LHFPL3: variants seen among roughly 807,000 people sequenced by gnomAD.
LHFPL3 encodes LHFPL tetraspan subfamily member 3 protein.
In LHFPL3, 5 loss-of-function variants were observed where a neutral mutation model predicts 19.3. The ratio of observed to expected loss-of-function variants is 0.26; its 90% CI spans 0.14 to 0.54. The LOEUF is 0.54. Ranked by LOEUF, LHFPL3 falls within the 20% of genes least tolerant of loss-of-function variation. The pLI is 0.94. For missense variants in LHFPL3, 249 were observed against 307.4 expected (o/e 0.81, Z 1.42); for synonymous variants, 133 against 126.2 (o/e 1.05, Z -0.36).
At chr7:104,492,430 T>A (rs1793376182) in intron 1 of LHFPL3, among the ~76,000 whole-genome samples, 1 of 152,212 alleles carries the variant, frequency 6.6e-6, no homozygotes, top group African/African-American at 2.4e-5. Context: ...AATGGATCTG[T>A]TCAAGACATG....
Position 104,554,273 on chromosome 7 carries a change from A to G in LHFPL3, c.446-182402A>G, listed in dbSNP as rs534088811. Among the ~76,000 whole-genome samples, 152 of 152,108 alleles carry G rather than the reference A, an allele frequency of 1.0e-3. 1 individual carries two copies. The highest frequency in any genetic ancestry group is 1.8e-3 in the Non-Finnish European group (124 of 67,998). ...ATTCTTGTCTTCATTTAGGAAATGG[A>G]TTATAATAATGTTATAATTATTTTC... On this transcript the variant is annotated intron_variant, in intron 1 of 2. Coordinates refer to ENST00000424859, the MANE Select transcript of LHFPL3 (RefSeq NM_199000.3).
intron 1 of LHFPL3, among the ~76,000 whole-genome samples, chr7:104,557,784 C>T (rs1284794039): frequency 6.6e-6 from 1 of 150,948 alleles, no homozygotes; most frequent in Non-Finnish European, 1.5e-5. Context: ...CCCACTAACT[C>T]ATCATCTAGC....
At chr7:104,746,100 C>T (rs1042352225) in intron 2 of LHFPL3, among the ~76,000 whole-genome samples, 11 of 152,154 alleles carry the variant, frequency 7.2e-5, no homozygotes, top group African/African-American at 2.4e-4. Flanking sequence ...CACTTGAGGT[C>T]AGGAGTTTGA....
intron 2 of LHFPL3, among the ~76,000 whole-genome samples, chr7:104,752,363 T>A (rs1461375658): frequency 6.6e-6 from 1 of 151,516 alleles, no homozygotes; most frequent in African/African-American, 2.4e-5. Context: ...TCCAGGGGCA[T>A]CAGAAACTGA....
intron 2 of LHFPL3, among the ~76,000 whole-genome samples, chr7:104,791,300 G>A (rs899618517): frequency 6.6e-6 from 1 of 152,150 alleles, no homozygotes; most frequent in African/African-American, 2.4e-5. Context: ...AAAGCCTGTG[G>A]GCAACATTTC....
At chr7:104,656,011 T>C (rs894170816) in intron 1 of LHFPL3, among the ~76,000 whole-genome samples, 5 of 152,244 alleles carry the variant, frequency 3.3e-5, no homozygotes, top group African/African-American at 1.2e-4. Context: ...CATCACAGAA[T>C]TCAGAATTTT....
intron 1 of LHFPL3, among the ~76,000 whole-genome samples, chr7:104,498,848 C>A (rs1179699142): frequency 6.6e-6 from 1 of 152,196 alleles, no homozygotes; most frequent in African/African-American, 2.4e-5. Context: ...GCTCTCAGGA[C>A]ACAGATAGGT....
At chr7:104,877,087 G>GGACACAGGAAGGGGAACAT (rs1791959924) in intron 2 of LHFPL3, among the ~76,000 whole-genome samples, 1 of 152,192 alleles carries the variant, frequency 6.6e-6, no homozygotes, top group Non-Finnish European at 1.5e-5. Context: ...GAGAACACAT[G>GGACACAGGAAGGGGAACAT]GACACAGGAA....
At chr7:104,412,334 C>T (rs1165072676) in intron 1 of LHFPL3, among the ~76,000 whole-genome samples, 1 of 151,972 alleles carries the variant, frequency 6.6e-6, no homozygotes, top group African/African-American at 2.4e-5. Context: ...GGGGAGTCAC[C>T]CAAAACTCCT....
At chr7:104,611,159 T>G (rs1584437807) in intron 1 of LHFPL3, among the ~76,000 whole-genome samples, 1 of 152,186 alleles carries the variant, frequency 6.6e-6, no homozygotes, top group Non-Finnish European at 1.5e-5. Context: ...GTAGTGGCAG[T>G]GATGATAGCA....
chr7:104,590,307 G>A (rs1379329595), intron 1 of LHFPL3, among the ~76,000 whole-genome samples: 1 of 151,992 alleles, frequency 6.6e-6, no homozygotes, highest in East Asian at 1.9e-4. Flanking sequence ...ATTCTGCTAT[G>A]TTGTGTCTTT....
chr7:104,389,120 C>A (rs1217441481), intron 1 of LHFPL3, among the ~76,000 whole-genome samples: 1 of 152,056 alleles, frequency 6.6e-6, no homozygotes, highest in East Asian at 1.9e-4. Flanking sequence ...ATAGAAAACC[C>A]TAAGAAATCC....
rs184557243 is a variant in LHFPL3, at chr7:104,466,942, T to G, written c.445+137718T>G. On this transcript the variant is annotated intron_variant, in intron 1 of 2. Coordinates refer to ENST00000424859, the MANE Select transcript of LHFPL3 (RefSeq NM_199000.3). ...CTTCTTCCTGCCATAACTGTCTGTC[T>G]CTTTCCAAAGTGCTCATCACTGCTA... Among the ~76,000 whole-genome samples the G allele has an allele frequency of 1.7e-3, 262 of 152,368 alleles. 2 individuals carry two copies. Among genetic ancestry groups the G allele is most frequent in the African/African-American group, 5.9e-3 (246 of 41,590 alleles).
intron 1 of LHFPL3, among the ~76,000 whole-genome samples, chr7:104,663,608 T>C (rs1220524353): frequency 6.6e-6 from 1 of 152,244 alleles, no homozygotes; most frequent in African/African-American, 2.4e-5. Flanking sequence ...CTTATTGTCA[T>C]GGGAAGCCAA....
chr7:104,352,674 C>T (rs1160305056), intron 1 of LHFPL3, among the ~76,000 whole-genome samples: 1 of 152,236 alleles, frequency 6.6e-6, no homozygotes, highest in African/African-American at 2.4e-5. Context: ...TTACCACGAG[C>T]ATTTTGTAGT....
At chr7:104,759,567 A>T (rs2116366606) in intron 2 of LHFPL3, 1 of 152,288 alleles carries the variant, frequency 6.6e-6, no homozygotes, top group East Asian at 1.9e-4. Context: ...CAATGGTCAC[A>T]TTTGGCTCCT....
chr7:104,393,130 C>T (rs974574601), intron 1 of LHFPL3, among the ~76,000 whole-genome samples: 4 of 152,088 alleles, frequency 2.6e-5, no homozygotes, highest in African/African-American at 9.7e-5. Flanking sequence ...ACTTCATACC[C>T]ACTAGGATGG....
At chr7:104,344,078 A>G (rs938053877) in intron 1 of LHFPL3, among the ~76,000 whole-genome samples, 1 of 152,084 alleles carries the variant, frequency 6.6e-6, no homozygotes, top group Non-Finnish European at 1.5e-5. Flanking sequence ...ATGTAAGTTG[A>G]ATTTTATTGA....
chr7:104,359,433 CA>C (rs1409501137), intron 1 of LHFPL3, among the ~76,000 whole-genome samples: 1 of 152,158 alleles, frequency 6.6e-6, no homozygotes, highest in Non-Finnish European at 1.5e-5. Context: ...AGACATATTT[CA>C]GATAAAATTA....
Sources: allele counts gnomAD v4.1 joint callset (sites outside exome capture counted in the v4.1 genomes callset), GRCh38; gene constraint gnomAD v4.1.1; transcripts MANE v1.5; gene names NCBI Gene and HGNC (gene_info 2026-07-23, HGNC 2026-07-21).